The following ANKRD60 variants were observed in gnomAD, a reference collection of about 807,000 sequenced individuals.
ANKRD60 encodes ankyrin repeat domain-containing protein 60.
ANKRD60 carries 24 observed loss-of-function variants against 21.3 expected under a neutral mutation model. That is an observed-to-expected ratio of 1.13 (90% CI 0.82 to 1.59). The LOEUF is 1.59. Among genes scored for constraint, ANKRD60 ranks in the 40% most tolerant of loss-of-function variants. The pLI, the probability that ANKRD60 is intolerant of heterozygous loss-of-function variation, is 0.00. For missense variants in ANKRD60, 490 were observed against 466.7 expected (o/e 1.05, Z -0.46); for synonymous variants, 182 against 199.4 (o/e 0.91, Z 0.74).
At chr20:58,222,613 C>T (rs866104569) in intron 2 of ANKRD60, among the ~76,000 whole-genome samples, 7 of 152,292 alleles carry the variant, frequency 4.6e-5, no homozygotes, top group African/African-American at 9.6e-5. Context: ...GAGGACAGAG[C>T]GCCCGCCGCT....
exon 3 of ANKRD60, chr20:58,221,453 T>C: frequency 6.4e-7 from 1 of 1,552,082 alleles, no homozygotes; most frequent in Non-Finnish European, 8.7e-7. Flanking sequence ...CAAAATGTTC[T>C]GAATTTGCGG....
chr20:58,224,746 T>C (rs985368587), intron 1 of ANKRD60, among the ~76,000 whole-genome samples: 5 of 152,234 alleles, frequency 3.3e-5, no homozygotes, highest in African/African-American at 4.8e-5. Context: ...AAGCTGTGTT[T>C]TGCTGAGACG....
At chr20:58,218,953 A>T (rs1984190597) in intron 3 of ANKRD60, 148 bp from the exon 4 acceptor site, 9 of 692,368 alleles carry the variant, frequency 1.3e-5, no homozygotes, top group Non-Finnish European at 1.6e-5. Context: ...CTCCCCTGGC[A>T]GCAGCCAGTG....
chr20:58,225,177 G>A (rs974312639), intron 1 of ANKRD60, among the ~76,000 whole-genome samples: 1 of 152,190 alleles, frequency 6.6e-6, no homozygotes, highest in African/African-American at 2.4e-5. Context: ...TGATAGCCCT[G>A]TGACATCAGT....
Position 58,228,538 on chromosome 20 carries a change from C to A in ANKRD60, c.116G>T (p.Ser39Ile). 1 of 1,325,160 alleles carries A rather than the reference C, an allele frequency of 7.5e-7. No individual in the cohort carries two copies. 82.1% of individuals were successfully genotyped at this position (1,325,160 alleles called of 1,614,324 possible). Residue 39 changes from serine (S) to isoleucine (I), a missense_variant, in exon 1 of 4, where the codon AGC becomes ATC. Transcript: ENST00000457363. The surrounding 1 kb of genome is among the most constrained non-coding windows in gnomAD (Gnocchi z 5.3). ...CCCCTGAGCCCCGGCCCGCGCACCG[C>A]TCCTGCGTCCCGCATTGGGGTGCAG...
chr20:58,221,563 G>T lies in ANKRD60; in HGVS notation c.562-60C>A. ...AAAGCGTGGCTACATTTTGCTGGAC[G>T]GCTGATGGGGCATGCTCAGGGGAAG... On this transcript the variant is annotated intron_variant, in intron 2 of 3. Coordinates refer to ENST00000457363, the Ensembl canonical transcript of ANKRD60. 2 of 1,511,714 alleles carry T rather than the reference G, an allele frequency of 1.3e-6. 1 individual carries two copies. The highest frequency in any genetic ancestry group is 2.4e-5 in the South Asian group (2 of 82,060). The allele number at this position is 1,511,714 out of a possible 1,614,324, so 93.6% of individuals were successfully genotyped here.
intron 2 of ANKRD60, among the ~76,000 whole-genome samples, chr20:58,222,209 G>A (rs1024352217): frequency 1.3e-5 from 2 of 152,176 alleles, no homozygotes; most frequent in African/African-American, 4.8e-5. Flanking sequence ...CAAAGGGCAG[G>A]GAGACAGAAG....
At chr20:58,227,489 G>A (rs1259131684) in intron 1 of ANKRD60, among the ~76,000 whole-genome samples, 1 of 152,114 alleles carries the variant, frequency 6.6e-6, no homozygotes, top group Non-Finnish European at 1.5e-5. Context: ...GGGTCCTGAG[G>A]TGGTCAAGGT....
chr20:58,227,591 G>A (rs1024522957), intron 1 of ANKRD60, among the ~76,000 whole-genome samples: 2 of 152,036 alleles, frequency 1.3e-5, no homozygotes, highest in South Asian at 2.1e-4. Flanking sequence ...TTTGGGGTTC[G>A]GTGTTGGGCA....
At chr20:58,220,879 C>T (rs1339759230) in intron 3 of ANKRD60, among the ~76,000 whole-genome samples, 5 of 152,094 alleles carry the variant, frequency 3.3e-5, no homozygotes, top group African/African-American at 4.8e-5. Context: ...GTGATCTGCC[C>T]GCCTCAGCCT....
Position 58,228,439 on chromosome 20 carries a change from C to T in ANKRD60, c.215G>A (p.Arg72Gln), listed in dbSNP as rs1180070460. The T allele has an allele frequency of 4.5e-6, 7 of 1,540,772 alleles. No homozygotes were observed. Among genetic ancestry groups the T allele is most frequent in the Admixed American group, 3.9e-5 (2 of 50,922 alleles). The change falls in exon 1 of 4, where the codon CGG (arginine) becomes CAG (glutamine). Residue 72 changes from arginine to glutamine, a missense_variant. By Grantham distance (43) the Arg-to-Gln change is conservative. Coordinates refer to ENST00000457363, the Ensembl canonical transcript of ANKRD60. This position sits in a 1 kb window ranked among gnomAD's most constrained non-coding sequence, Gnocchi z 5.3. ...CGGGTCACAGACGAGCCGCTGGCTC[C>T]GGCCGCGGGCACAGGCCAGGGGCTG...
At chr20:58,224,023 G>A (rs1984317168) in intron 1 of ANKRD60, among the ~76,000 whole-genome samples, 1 of 151,986 alleles carries the variant, frequency 6.6e-6, no homozygotes, top group Admixed American at 6.6e-5. Context: ...GATCACCTGA[G>A]CCTAGGAGAC....
intron 1 of ANKRD60, among the ~76,000 whole-genome samples, chr20:58,225,933 C>T (rs993577771): frequency 6.6e-6 from 1 of 152,054 alleles, no homozygotes; most frequent in African/African-American, 2.4e-5. Context: ...GGGAAGGAGA[C>T]TGATGGAAGG....
chr20:58,217,878 A>G (rs1984166527), downstream of ANKRD60, among the ~76,000 whole-genome samples: 1 of 152,190 alleles, frequency 6.6e-6, no homozygotes. Flanking sequence ...CTCCCCATCT[A>G]GCACCAACGT....
At chr20:58,220,720 G>GTGTC (rs1984233601) in intron 3 of ANKRD60, among the ~76,000 whole-genome samples, 2 of 81,980 alleles carry the variant, frequency 2.4e-5, no homozygotes, top group Admixed American at 3.1e-4. Context: ...GTGTGTGTGT[G>GTGTC]TGTGTGTGTT....
At chr20:58,219,852 C>A (rs1984210498) in intron 3 of ANKRD60, among the ~76,000 whole-genome samples, 1 of 152,160 alleles carries the variant, frequency 6.6e-6, no homozygotes, top group Non-Finnish European at 1.5e-5. Context: ...CATCACAGTT[C>A]TATCAGAGCA....
Position 58,218,778 on chromosome 20 carries a change from AG to A in ANKRD60, c.754del (p.Leu252TrpfsTer18), listed in dbSNP as rs746531388. 5 of 1,544,278 alleles carry A rather than the reference AG, an allele frequency of 3.2e-6. No individual in the cohort carries two copies. The African/African-American group carries it at 5.5e-5, about 17-fold the overall frequency. On this transcript the variant is annotated frameshift_variant, in exon 4 of 4. Transcript: ENST00000457363. LOFTEE classifies it low-confidence loss of function (END_TRUNC). The stretch of plus-strand genomic sequence containing the variant: ...AGCCACATGCAGGGGTGTCCTGCCC[AG>A]GGGGGATCTGCTGAGGCAGCTGGCT...
Position 58,228,596 on chromosome 20 carries a change from G to A in ANKRD60, c.58C>T (p.Arg20Trp). Residue 20 changes from arginine (R) to tryptophan (W), a missense_variant, in exon 1 of 4, where the codon CGG (arginine) becomes TGG (tryptophan). Arg to Trp is a moderately radical substitution (Grantham distance 101). Coordinates refer to ENST00000457363, the Ensembl canonical transcript of ANKRD60. This position sits in a 1 kb window ranked among gnomAD's most constrained non-coding sequence, Gnocchi z 5.3. ...GCGCCCCCAGTTGGCCCCGCCGCCC[G>A]CGCTCCGCCCGCCCCCGCCGCCGCC... The A allele has an allele frequency of 2.7e-6, 3 of 1,101,712 alleles. No individual in the cohort carries two copies. Among genetic ancestry groups the A allele is most frequent in the Non-Finnish European group, 3.3e-6 (3 of 904,036 alleles). 68.2% of individuals were successfully genotyped at this position (1,101,712 alleles called of 1,614,324 possible). A position where few individuals can be genotyped will look rare whatever the true frequency, so the allele number is the denominator to read the frequency against.
intron 1 of ANKRD60, among the ~76,000 whole-genome samples, chr20:58,224,453 T>A (rs994542489): frequency 6.6e-6 from 1 of 152,210 alleles, no homozygotes; most frequent in Non-Finnish European, 1.5e-5. Flanking sequence ...GGTAGGTTTG[T>A]TAACTCCATC....
Sources: gnomAD v4.1 joint callset for allele counts (sites outside exome capture counted in the v4.1 genomes callset) on GRCh38, gnomAD v4.1.1 for gene constraint, Gnocchi (gnomAD v3.1) non-coding constraint, MANE v1.5 for transcripts, NCBI Gene and HGNC (gene_info 2026-07-23, HGNC 2026-07-21) for gene names.